FLYWCH1: variants seen among roughly 807,000 people sequenced by gnomAD.
FLYWCH1 encodes the protein FLYWCH-type zinc finger-containing protein 1.
In FLYWCH1, 75 loss-of-function variants were observed where a neutral mutation model predicts 66.4. That is an observed-to-expected ratio of 1.13 (90% confidence interval 0.94 to 1.37). The LOEUF (loss-of-function observed/expected upper bound fraction) is 1.37, where lower values mean the gene tolerates loss of function less well. FLYWCH1 is among the 40% of genes most tolerant of loss of function. FLYWCH1 has a pLI of 0.00. For missense variants in FLYWCH1, 1,334 were observed against 1,001.8 expected, an observed-to-expected ratio of 1.33 and a Z score of -4.48; for synonymous variants, 595 against 429.9, an observed-to-expected ratio of 1.38 and a Z score of -4.75.
At chr16:2,937,516 C>T (rs1181632588) in intron 7 of FLYWCH1, 132 bp downstream of exon 7, 7 of 1,121,656 alleles carry the variant, frequency 6.2e-6, no homozygotes, top group South Asian at 2.1e-5. Flanking sequence ...ATAAACTCCC[C>T]AGGGGCAGGA....
intron 4 of FLYWCH1, among the ~76,000 whole-genome samples, chr16:2,931,190 C>G (rs1555484834): frequency 1.3e-5 from 2 of 151,082 alleles, no homozygotes; most frequent in Non-Finnish European, 2.9e-5. Flanking sequence ...GTAATCCCAG[C>G]TACTCAGGAG....
At chr16:2,945,562 T>TGCAGTGCACTGAGATCGTG (rs1176044533) in intron 9 of FLYWCH1, among the ~76,000 whole-genome samples, 2 of 146,988 alleles carry the variant, frequency 1.4e-5, no homozygotes, top group African/African-American at 5.1e-5. Flanking sequence ...AAGCTGAGGC[T>TGCAGTGCACTGAGATCGTG]GCAGTGCACT....
At chr16:2,935,365 G>C (rs937591504) in intron 6 of FLYWCH1, 10 of 152,418 alleles carry the variant, frequency 6.6e-5, no homozygotes, top group Middle Eastern at 3.4e-3. Flanking sequence ...TGTCCAGGTC[G>C]ACCCCACCTG....
In FLYWCH1 at chr16:2,948,557, C is replaced by T. The variant is rs149889478; in HGVS notation, c.2112-131C>T. The T allele has an allele frequency of 4.4e-4, 403 of 925,362 alleles. 1 individual carries two copies. The African/African-American group carries it at 5.2e-3, about 12-fold the overall frequency. The allele number at this position is 925,362 out of a possible 1,614,324, so 57.3% of individuals were successfully genotyped here. ...CAGCCTGGGTGACAGAGCAAGATTC[C>T]GTCTCAAAAATAAATGTTCTAGACT... On this transcript the variant is annotated intron_variant, in intron 9 of 9. Coordinates refer to ENST00000253928, the MANE Select transcript of FLYWCH1 (RefSeq NM_001308068.2).
intron 4 of FLYWCH1, among the ~76,000 whole-genome samples, chr16:2,932,879 C>CA (rs1462977228): frequency 4.6e-5 from 7 of 151,122 alleles, no homozygotes; most frequent in African/African-American, 1.5e-4. Context: ...CTGGGTCACT[C>CA]GGTGGTAGGG....
At chr16:2,936,929 C>T (rs2071029174) in intron 6 of FLYWCH1, 192 bp from the exon 7 acceptor site, 2 of 754,478 alleles carry the variant, frequency 2.7e-6, no homozygotes, top group Non-Finnish European at 4.3e-6. Flanking sequence ...AGTCCCCAGC[C>T]TCAGGAGGCG....
chr16:2,923,194 A>C, intron 2 of FLYWCH1: 1 of 348,642 alleles, frequency 2.9e-6, no homozygotes, highest in Admixed American at 3.5e-5. Context: ...CAGCTTTACA[A>C]GGGGCAGGAG....
At position 2,948,740 on chromosome 16, in the gene FLYWCH1, A is replaced by G. The variant is rs1191334766; in HGVS notation, c.*13A>G. On this transcript the variant is annotated 3_prime_UTR_variant, in exon 10 of 10. Coordinates refer to ENST00000253928, the MANE Select transcript of FLYWCH1 (RefSeq NM_001308068.2). ...CGAGTCCCAGTGAGGCGATGTGGGC[A>G]GAGGAGCTCCGAGCCGCCCACCCAA... 3 of 1,613,624 alleles carry G rather than the reference A, an allele frequency of 1.9e-6. No homozygotes were observed. Among genetic ancestry groups the G allele is most frequent in the Non-Finnish European group, 1.7e-6 (2 of 1,179,678 alleles).
At chr16:2,941,687 G>A (rs1486620874) in intron 9 of FLYWCH1, among the ~76,000 whole-genome samples, 1 of 151,626 alleles carries the variant, frequency 6.6e-6, no homozygotes, top group African/African-American at 2.4e-5. Flanking sequence ...TACTAGCATG[G>A]GCAAGACCTC....
Position 2,938,457 on chromosome 16 carries a change from G to C in FLYWCH1, c.2050+1G>C. The C allele has an allele frequency of 6.6e-7, 1 of 1,519,778 alleles. No homozygotes were observed. The highest frequency in any genetic ancestry group is 8.8e-7 in the Non-Finnish European group (1 of 1,135,658). The allele number at this position is 1,519,778 out of a possible 1,614,324, so 94.1% of individuals were successfully genotyped here. On this transcript the variant is annotated splice_donor_variant, in intron 8 of 9. Transcript: ENST00000253928. LOFTEE classifies it high-confidence loss of function. The stretch of plus-strand genomic sequence containing the variant: ...ACCACGGCCCAGCAGGAGGACCCAG[G>C]TACAGGCAGGCTGTGGGGCAGAGGC...
At chr16:2,929,132 G>T (rs983681549) in intron 2 of FLYWCH1, among the ~76,000 whole-genome samples, 9 of 152,232 alleles carry the variant, frequency 5.9e-5, no homozygotes, top group Non-Finnish European at 1.0e-4. Context: ...TTTCCAAAAA[G>T]GTCCTGACAA....
At chr16:2,920,547 C>T (rs558550385) in intron 2 of FLYWCH1, among the ~76,000 whole-genome samples, 1 of 151,378 alleles carries the variant, frequency 6.6e-6, no homozygotes, top group Non-Finnish European at 1.5e-5. Flanking sequence ...CCAAGAGACC[C>T]TTGGAATCTG....
intron 9 of FLYWCH1, among the ~76,000 whole-genome samples, chr16:2,941,692 G>A (rs968794244): frequency 1.3e-5 from 2 of 151,516 alleles, no homozygotes; most frequent in African/African-American, 2.4e-5. Flanking sequence ...GCATGGGCAA[G>A]ACCTCATCTC....
In FLYWCH1 at chr16:2,929,962, C is replaced by A; in HGVS notation, c.277C>A (p.Gln93Lys). The A allele has an allele frequency of 1.2e-6, 2 of 1,613,030 alleles. No homozygotes were observed. The highest frequency in any genetic ancestry group is 1.7e-6 in the Non-Finnish European group (2 of 1,179,512). The change falls in exon 3 of 10, where the codon CAG becomes AAG. Residue 93 changes from glutamine to lysine, a missense_variant. Transcript: ENST00000253928. Reference protein sequence around the residue: ...LPVEEQGGVVQPALEMPEQKC... With the variant: ...LPVEEQGGVVKPALEMPEQKC... Reference sequence around the variant, plus strand: ...AGTTGAGGAGCAGGGAGGGGTGGTCCAGCCAGCCCTAGAGATGCCTGAACA... The same window carrying A: ...AGTTGAGGAGCAGGGAGGGGTGGTCAAGCCAGCCCTAGAGATGCCTGAACA...
chr16:2,936,493 C>T lies in FLYWCH1; in HGVS notation c.1514-628C>T, dbSNP rs1345201435. 6.7e-6 allele frequency: 3 copies of T among 447,664 alleles called. No individual in the cohort carries two copies. In the Admixed American group the frequency reaches 7.1e-5, roughly 11 times the overall value. The allele number at this position is 447,664 out of a possible 1,614,324, so 27.7% of individuals were successfully genotyped here. On this transcript the variant is annotated intron_variant, in intron 6 of 9. Coordinates refer to ENST00000253928, the MANE Select transcript of FLYWCH1 (RefSeq NM_001308068.2). Reference sequence around the variant, plus strand: ...TCCTCTAGGGCTTGCTACCCACCCCCATCCCCTGCTTCCACTGCCACCCGA... The same window carrying T: ...TCCTCTAGGGCTTGCTACCCACCCCTATCCCCTGCTTCCACTGCCACCCGA...
At chr16:2,946,094 AAAAAAGC>A (rs1214321568) in intron 9 of FLYWCH1, among the ~76,000 whole-genome samples, 11 of 152,154 alleles carry the variant, frequency 7.2e-5, no homozygotes, top group African/African-American at 2.4e-4. Context: ...AGTGTAATTA[AAAAAAGC>A]AAAAAGTTTA....
intron 2 of FLYWCH1, among the ~76,000 whole-genome samples, chr16:2,917,561 C>G (rs73482947): frequency 0.053 from 7,968 of 151,672 alleles, 710 homozygotes; most frequent in African/African-American, 0.18. Context: ...AATGAGGAAA[C>G]CTGTATGACA....
At chr16:2,939,355 G>A (rs373592152) in intron 8 of FLYWCH1, among the ~76,000 whole-genome samples, 3 of 152,028 alleles carry the variant, frequency 2.0e-5, no homozygotes, top group African/African-American at 4.8e-5. Context: ...CCAGCTGCTT[G>A]GGAGGCAGGA....
chr16:2,934,523 C>A (rs1307869814), intron 6 of FLYWCH1: 2 of 406,158 alleles, frequency 4.9e-6, no homozygotes, highest in Non-Finnish European at 4.9e-6. Flanking sequence ...GACTTCACAA[C>A]CACAGTTGCG....
Sources: gnomAD v4.1 joint callset for allele counts (sites outside exome capture counted in the v4.1 genomes callset) on GRCh38, gnomAD v4.1.1 for gene constraint, MANE v1.5 for transcripts, NCBI Gene and HGNC (gene_info 2026-07-23, HGNC 2026-07-21) for gene names.